RASSF3: variants seen among roughly 807,000 people sequenced by gnomAD.
The protein encoded by RASSF3 is ras association domain-containing protein 3.
Under a neutral mutation model 19.9 loss-of-function variants are expected in RASSF3, and 19 were observed. The ratio of observed to expected loss-of-function variants is 0.96; its 90% CI spans 0.67 to 1.40. The LOEUF is 1.40. RASSF3 is among the 40% of genes most tolerant of loss of function. The probability of loss-of-function intolerance (pLI) is 0.00; values close to 1 mark genes in which losing one functional copy is unlikely to be tolerated. For synonymous variants in RASSF3, 110 were observed against 104.2 expected, an observed-to-expected ratio of 1.06 and a Z score of -0.34; for missense variants, 306 against 289.8, an observed-to-expected ratio of 1.06 and a Z score of -0.41.
chr12:64,513,048 C>A (rs1260683466), intron 1 of RASSF3, among the ~76,000 whole-genome samples: 3 of 151,972 alleles, frequency 2.0e-5, no homozygotes, highest in African/African-American at 7.3e-5. Flanking sequence ...GAAGCTCTCC[C>A]GAAGCAAATT....
At position 64,678,107 on chromosome 12, in the gene RASSF3, A is replaced by G. The variant is rs373855497; in HGVS notation, c.112-6680A>G. Among the ~76,000 whole-genome samples the G allele has an allele frequency of 5.9e-5, 9 of 152,220 alleles. No homozygotes were observed. In the East Asian group the frequency reaches 1.7e-3, roughly 29 times the overall value. On this transcript the variant is annotated intron_variant, in intron 1 of 4. Transcript: ENST00000542104. ...TTATTAGAAGACATCTAGAGGAGTC[A>G]AGACCTAGACTCAGTTCAGTTTGAG...
intron 1 of RASSF3, among the ~76,000 whole-genome samples, chr12:64,628,933 TTTA>T (rs780663214): frequency 2.6e-5 from 4 of 151,826 alleles, no homozygotes; most frequent in Non-Finnish European, 4.4e-5. Flanking sequence ...TTTATTTTAT[TTTA>T]TTATTATTAT....
chr12:64,636,663 C>T (rs553452526), intron 1 of RASSF3, among the ~76,000 whole-genome samples: 94 of 151,774 alleles, frequency 6.2e-4, no homozygotes, highest in Non-Finnish European at 9.9e-4. Context: ...GTCAGGGGTT[C>T]GAAACCATCC....
At chr12:64,590,065 C>CA (rs10578124) in intron 2 of RASSF3, among the ~76,000 whole-genome samples, 3,627 of 133,432 alleles carry the variant, frequency 0.027, 125 homozygotes, top group African/African-American at 0.08. Context: ...ACTCTTATCT[C>CA]AAAAAAAAAA....
chr12:64,566,878 G>C (rs1177147859), intron 2 of RASSF3, among the ~76,000 whole-genome samples: 1 of 152,214 alleles, frequency 6.6e-6, no homozygotes, highest in Non-Finnish European at 1.5e-5. Flanking sequence ...TGGTGTTTTT[G>C]TTGTTGCCAG....
chr12:64,691,811 T>C (rs1306096855), intron 4 of RASSF3, among the ~76,000 whole-genome samples: 1 of 152,158 alleles, frequency 6.6e-6, no homozygotes, highest in Non-Finnish European at 1.5e-5. Context: ...CTTATATTAT[T>C]AGTCTGTCAT....
chr12:64,519,147 C>T (rs904064311), intron 1 of RASSF3, among the ~76,000 whole-genome samples: 1 of 152,172 alleles, frequency 6.6e-6, no homozygotes, highest in Non-Finnish European at 1.5e-5. Flanking sequence ...TACCTCTAAT[C>T]CTAGCACTTT....
At chr12:64,652,616 T>C (rs1181692957) in intron 1 of RASSF3, among the ~76,000 whole-genome samples, 3 of 152,158 alleles carry the variant, frequency 2.0e-5, no homozygotes, top group Non-Finnish European at 4.4e-5. Flanking sequence ...ACTCTGGGAG[T>C]GTCCAATCCA....
At chr12:64,688,846 G>A (rs940667617) in intron 3 of RASSF3, among the ~76,000 whole-genome samples, 1 of 152,182 alleles carries the variant, frequency 6.6e-6, no homozygotes, top group Non-Finnish European at 1.5e-5. Flanking sequence ...GCATCAGTAC[G>A]TGGAGTGGTT....
downstream of RASSF3, among the ~76,000 whole-genome samples, chr12:64,545,299 G>A (rs918607584): frequency 3.9e-5 from 6 of 152,134 alleles, no homozygotes; most frequent in Non-Finnish European, 7.4e-5. Context: ...CAAGTGTAAG[G>A]TTTAAACAAA....
At chr12:64,664,038 G>A (rs1342742549) in intron 1 of RASSF3, among the ~76,000 whole-genome samples, 1 of 152,126 alleles carries the variant, frequency 6.6e-6, no homozygotes, top group Non-Finnish European at 1.5e-5. Flanking sequence ...TTTGGGCAAT[G>A]ACTTAATTAG....
intron 1 of RASSF3, among the ~76,000 whole-genome samples, chr12:64,629,592 G>A (rs933906436): frequency 2.0e-5 from 3 of 152,096 alleles, no homozygotes; most frequent in African/African-American, 7.2e-5. Flanking sequence ...TGAAGAAATA[G>A]CTGATTTTGG....
At chr12:64,687,433 T>A (rs12820666) in intron 2 of RASSF3, among the ~76,000 whole-genome samples, 27,503 of 152,000 alleles carry the variant, frequency 0.18, 3,138 homozygotes, top group South Asian at 0.31. Flanking sequence ...CTGTGAAGTA[T>A]AGTGGTTTGA....
intron 1 of RASSF3, among the ~76,000 whole-genome samples, chr12:64,623,159 CTT>C (rs776367464): frequency 6.6e-6 from 1 of 151,958 alleles, no homozygotes; most frequent in East Asian, 1.9e-4. Flanking sequence ...TTCGAGGAAT[CTT>C]TTTTGATATT....
intron 2 of RASSF3, among the ~76,000 whole-genome samples, chr12:64,579,639 C>G (rs971943368): frequency 6.6e-6 from 1 of 152,038 alleles, no homozygotes; most frequent in African/African-American, 2.4e-5. Context: ...GCGTGAGCCA[C>G]CGCGCCCGGC....
intron 2 of RASSF3, among the ~76,000 whole-genome samples, chr12:64,592,921 T>G (rs1175528945): frequency 6.6e-6 from 1 of 152,162 alleles, no homozygotes; most frequent in Admixed American, 6.6e-5. Context: ...ATTACAGGCA[T>G]GAGCCACTGT....
At chr12:64,532,184 A>C (rs1208614238), upstream of RASSF3, among the ~76,000 whole-genome samples, 3 of 152,240 alleles carry the variant, frequency 2.0e-5, no homozygotes, top group Non-Finnish European at 4.4e-5. Context: ...GCCCCCTCTC[A>C]GGATGGATTG....
chr12:64,541,471 T>A (rs1868932667), intron 1 of RASSF3: 1 of 396,494 alleles, frequency 2.5e-6, no homozygotes, highest in Admixed American at 4.4e-5. Context: ...TTATTCCAGG[T>A]TGAATGCTGG....
upstream of RASSF3, among the ~76,000 whole-genome samples, chr12:64,530,148 T>C (rs1273674348): frequency 6.6e-6 from 1 of 152,174 alleles, no homozygotes; most frequent in Non-Finnish European, 1.5e-5. Flanking sequence ...CTGCTTTCTG[T>C]CATTATAGAT....
Sources: allele counts gnomAD v4.1 joint callset (sites outside exome capture counted in the v4.1 genomes callset), GRCh38; gene constraint gnomAD v4.1.1; transcripts MANE v1.5; gene names NCBI Gene and HGNC (gene_info 2026-07-23, HGNC 2026-07-21).